Variants in FNDC1 observed in about 807,000 individuals in gnomAD.
FNDC1 encodes the protein fibronectin type III domain-containing protein 1.
A neutral mutation model predicts 168.0 loss-of-function variants in FNDC1; 96 were observed. The ratio of observed to expected loss-of-function variants is 0.57; its 90% CI spans 0.48 to 0.68. The LOEUF (loss-of-function observed/expected upper bound fraction) is 0.68, where lower values mean the gene tolerates loss of function less well. FNDC1 is among the 30% of genes least tolerant of loss of function. The pLI is 0.00. For synonymous variants in FNDC1, 1,099 were observed against 1,025.9 expected (o/e 1.07, Z -1.36); for missense variants, 2,587 against 2,482.1 (o/e 1.04, Z -0.90).
At position 159,267,834 on chromosome 6, in the gene FNDC1, G is replaced by A. The variant is rs1478860142; in HGVS notation, c.5477G>A (p.Gly1826Glu). Residue 1826 changes from glycine to glutamate, a missense_variant, in exon 22 of 23, where the codon GGA becomes GAA. Transcript: ENST00000297267. ...DTFYSIGDSW[G>E]RGEDHCQFVD... ...TTCTACAGCATTGGAGACAGCTGGG[G>A]AAGAGGTGAAGACCATTGCCAATTT... 3 of 1,613,756 alleles carry A rather than the reference G, an allele frequency of 1.9e-6. No homozygotes were observed. The highest frequency in any genetic ancestry group is 1.6e-4 in the Middle Eastern group (1 of 6,062).
rs192746952 is a variant in FNDC1, at chr6:159,186,970, C to T, written c.110-10461C>T. Among the ~76,000 whole-genome samples the T allele has an allele frequency of 4.3e-3, 653 of 152,274 alleles. 2 individuals are homozygous for T. The highest frequency in any genetic ancestry group is 8.0e-3 in the Admixed American group (122 of 15,288). On this transcript the variant is annotated intron_variant, in intron 1 of 22. Coordinates refer to ENST00000297267, the MANE Select transcript of FNDC1 (RefSeq NM_032532.3). ...GCCTTTTTGTCTGAATAAAATAATG[C>T]GTTGTTATCAAAATGCTGGAAGAAT... is the stretch of plus-strand genomic sequence containing the variant.
At chr6:159,180,784 T>C (rs1781861946) in intron 1 of FNDC1, among the ~76,000 whole-genome samples, 1 of 152,098 alleles carries the variant, frequency 6.6e-6, no homozygotes, top group Admixed American at 6.5e-5. Context: ...CTTCCAGCAT[T>C]ATCCAAGTCC....
intron 9 of FNDC1, among the ~76,000 whole-genome samples, chr6:159,227,789 A>G (rs894096550): frequency 4.3e-4 from 65 of 152,030 alleles, no homozygotes; most frequent in African/African-American, 1.4e-3. Flanking sequence ...CATAAAATAC[A>G]CTAACACTAA....
intron 1 of FNDC1, among the ~76,000 whole-genome samples, chr6:159,177,303 C>A (rs1781781297): frequency 6.6e-6 from 1 of 152,048 alleles, no homozygotes; most frequent in African/African-American, 2.4e-5. Flanking sequence ...ATAGCGGGTA[C>A]CTTAAGCCCT....
chr6:159,259,133 G>A (rs1412296852), intron 18 of FNDC1, among the ~76,000 whole-genome samples: 4 of 152,212 alleles, frequency 2.6e-5, no homozygotes, highest in Admixed American at 1.3e-4. Context: ...ATAAGAAGGC[G>A]AGGCATGGAT....
At chr6:159,170,178 A>G (rs73591223) in intron 1 of FNDC1, among the ~76,000 whole-genome samples, 3,575 of 152,148 alleles carry the variant, frequency 0.023, 160 homozygotes, top group African/African-American at 0.08. Flanking sequence ...TCGTGGGGGA[A>G]AGGCTGCGAG....
Position 159,234,273 on chromosome 6 carries a change from C to T in FNDC1, c.3761C>T (p.Ala1254Val). 2 of 1,596,176 alleles carry T rather than the reference C, an allele frequency of 1.3e-6. No homozygotes were observed. The highest frequency in any genetic ancestry group is 1.7e-6 in the Non-Finnish European group (2 of 1,171,410). Residue 1254 changes from alanine to valine, a missense_variant, in exon 11 of 23, where the codon GCC becomes GTC. By Grantham distance (64) the Ala-to-Val change is moderately conservative (BLOSUM62 0). Coordinates refer to ENST00000297267, the MANE Select transcript of FNDC1 (RefSeq NM_032532.3). ...LPPPPGSSPR[A>V]SHVPSRLPPR... ...CCACCTCCAGGCAGCTCCCCCAGGGCCTCCCACGTCCCTTCCCGACTGCCG... is the reference window on the plus strand; with the variant it reads ...CCACCTCCAGGCAGCTCCCCCAGGGTCTCCCACGTCCCTTCCCGACTGCCG...
intron 14 of FNDC1, among the ~76,000 whole-genome samples, chr6:159,244,508 T>C (rs1024845869): frequency 2.0e-4 from 30 of 152,236 alleles, no homozygotes; most frequent in Non-Finnish European, 5.9e-5. Flanking sequence ...CTGGACAGAC[T>C]ACTCGAGGTT....
At chr6:159,229,053 G>T (rs1371937392) in intron 9 of FNDC1, among the ~76,000 whole-genome samples, 54 of 152,108 alleles carry the variant, frequency 3.6e-4, no homozygotes, top group Non-Finnish European at 1.2e-4. Context: ...TTAGTTGAAG[G>T]CAAAAATTAT....
chr6:159,219,228 G>T lies in FNDC1; in HGVS notation c.668-2370G>T, dbSNP rs111682123. On this transcript the variant is annotated intron_variant, in intron 5 of 22. Transcript: ENST00000297267. ...GCTAATTTCTGTATTTTTAGTAGAGGCAAGGTTTCACCATGTTGGCAAGGC... is the reference window on the plus strand; with the variant it reads ...GCTAATTTCTGTATTTTTAGTAGAGTCAAGGTTTCACCATGTTGGCAAGGC... Among the ~76,000 whole-genome samples, 440 of 152,150 alleles carry T rather than the reference G, an allele frequency of 2.9e-3. 1 individual carries two copies. The highest frequency in any genetic ancestry group is 1.0e-2 in the African/African-American group (414 of 41,518).
At position 159,234,248 on chromosome 6, in the gene FNDC1, C is replaced by G. The variant is rs767083016; in HGVS notation, c.3736C>G (p.Pro1246Ala). ...GGCTCCTGTGAAGCGACCTCTCCCC[C>G]CACCTCCAGGCAGCTCCCCCAGGGC... Reference protein sequence around the residue: ...SLAPVKRPLPPPPGSSPRASH... With the variant: ...SLAPVKRPLPAPPGSSPRASH... The change falls in exon 11 of 23, where the codon CCA becomes GCA. Residue 1246 changes from proline to alanine, a missense_variant. Pro to Ala is a conservative substitution (Grantham distance 27). Coordinates refer to ENST00000297267, the MANE Select transcript of FNDC1 (RefSeq NM_032532.3). 6.3e-7 allele frequency: 1 copy of G among 1,591,906 alleles called. No individual in the cohort carries two copies. Among genetic ancestry groups the G allele is most frequent in the African/African-American group, 1.3e-5 (1 of 74,438 alleles).
intron 22 of FNDC1, 83 bp from the exon 23 acceptor site, chr6:159,271,244 G>A: frequency 2.3e-6 from 2 of 882,422 alleles, no homozygotes; most frequent in South Asian, 2.9e-5. Flanking sequence ...GAGGCCTTCT[G>A]TCTGAAGGAG....
intron 3 of FNDC1, 92 bp downstream of exon 3, chr6:159,200,174 A>G: frequency 6.0e-6 from 6 of 1,005,438 alleles, no homozygotes; most frequent in African/African-American, 1.6e-5. Context: ...ATAAATTTAG[A>G]GTTATTAAAT....
At chr6:159,194,525 TC>T (rs1267912760) in intron 1 of FNDC1, among the ~76,000 whole-genome samples, 1 of 152,226 alleles carries the variant, frequency 6.6e-6, no homozygotes, top group Non-Finnish European at 1.5e-5. Context: ...TTGTCATATT[TC>T]ATCTTTATGC....
chr6:159,239,766 C>T lies in FNDC1; in HGVS notation c.4430C>T (p.Thr1477Ile), dbSNP rs1208689735. Residue 1477 changes from threonine (T) to isoleucine (I), a missense_variant, in exon 14 of 23, where the codon ACC becomes ATC. Coordinates refer to ENST00000297267, the MANE Select transcript of FNDC1 (RefSeq NM_032532.3). ...RPTTATTRRT[T>I]TTRRTTTRRP... ...ACCACTGCCACCACCCGCCGCACGA[C>T]CACCACCCGCCGCACGACCACCAGG... 3 of 1,364,382 alleles carry T rather than the reference C, an allele frequency of 2.2e-6. No individual in the cohort carries two copies. The highest frequency in any genetic ancestry group is 2.9e-6 in the Non-Finnish European group (3 of 1,051,506). The allele number at this position is 1,364,382 out of a possible 1,614,324, so 84.5% of individuals were successfully genotyped here. A position where few individuals can be genotyped will look rare whatever the true frequency, so the allele number is the denominator to read the frequency against.
At chr6:159,220,250 G>A (rs933264406) in intron 5 of FNDC1, among the ~76,000 whole-genome samples, 6 of 152,150 alleles carry the variant, frequency 3.9e-5, no homozygotes, top group South Asian at 2.1e-4. Context: ...CTTCTTTCAC[G>A]TTTAGCACAA....
chr6:159,173,931 G>C (rs1416448939), intron 1 of FNDC1, among the ~76,000 whole-genome samples: 1 of 152,130 alleles, frequency 6.6e-6, no homozygotes, highest in Non-Finnish European at 1.5e-5. Context: ...CAAGGGATGA[G>C]GGGGGCAGGG....
chr6:159,267,909 C>T lies in FNDC1; in HGVS notation c.5552C>T (p.Ala1851Val). The T allele has an allele frequency of 6.2e-7, 1 of 1,610,756 alleles. No individual in the cohort carries two copies. Among genetic ancestry groups the T allele is most frequent in the Non-Finnish European group, 8.5e-7 (1 of 1,178,362 alleles). Reference sequence around the variant, plus strand: ...ACAGGGCCTCAGTCCTATGTAGAAGCCCTCCCTACTATTCAAGGTAATACA... The same window carrying T: ...ACAGGGCCTCAGTCCTATGTAGAAGTCCTCCCTACTATTCAAGGTAATACA... ...GRTGPQSYVE[A>V]LPTIQGYYRQ... Residue 1851 changes from alanine (A) to valine (V), a missense_variant, in exon 22 of 23, where the codon GCC becomes GTC. Ala to Val is a moderately conservative substitution (Grantham distance 64). Transcript: ENST00000297267.
At position 159,217,862 on chromosome 6, in the gene FNDC1, T is replaced by C. The variant is rs976584514; in HGVS notation, c.667+2711T>C. Among the ~76,000 whole-genome samples, 32 of 152,298 alleles carry C rather than the reference T, an allele frequency of 2.1e-4. No homozygotes were observed. In the East Asian group the frequency reaches 5.6e-3, roughly 27 times the overall value. On this transcript the variant is annotated intron_variant, in intron 5 of 22. Transcript: ENST00000297267. ...GTAGAAACTCTAGAGTGATGTGCTT[T>C]GCCAAGCATGACTTTAGAATTAGCA... is the stretch of plus-strand genomic sequence containing the variant.
Sources: gnomAD v4.1 joint callset for allele counts (sites outside exome capture counted in the v4.1 genomes callset) on GRCh38, gnomAD v4.1.1 for gene constraint, MANE v1.5 for transcripts, NCBI Gene and HGNC (gene_info 2026-07-23, HGNC 2026-07-21) for gene names.